The following SDAD1 variants were observed in gnomAD, a reference collection of about 807,000 sequenced individuals.
SDAD1 encodes protein SDA1 homolog.
Under a neutral mutation model 100.3 loss-of-function variants are expected in SDAD1, and 79 were observed. The observed-to-expected ratio is 0.79, with a 90% CI of 0.66 to 0.95. The LOEUF (loss-of-function observed/expected upper bound fraction) is 0.95. Ranked by LOEUF, SDAD1 falls within the 40% of genes least tolerant of loss-of-function variation. The pLI, the probability that SDAD1 is intolerant of heterozygous loss-of-function variation, is 0.00. For missense variants in SDAD1, 790 were observed against 810.9 expected (o/e 0.97, Z 0.31); for synonymous variants, 267 against 271.4 (o/e 0.98, Z 0.16).
At chr4:75,981,288 C>T in intron 3 of SDAD1, 84 bp downstream of exon 3, 1 of 1,254,620 alleles carries the variant, frequency 8.0e-7, no homozygotes, top group Non-Finnish European at 1.1e-6. Flanking sequence ...AGATAATTAG[C>T]TTAGAGGCTG....
At chr4:75,960,984 G>T in intron 16 of SDAD1, 44 bp downstream of exon 16, 3 of 1,521,516 alleles carry the variant, frequency 2.0e-6, no homozygotes, top group Non-Finnish European at 2.7e-6. Flanking sequence ...CTCTCAGTTT[G>T]TGAGACCATA....
chr4:75,963,937 A>C (rs7349626), intron 14 of SDAD1, among the ~76,000 whole-genome samples, 198 bp downstream of exon 14: 121,739 of 152,154 alleles, frequency 0.8, 51,297 homozygotes, highest in East Asian at 0.94. Context: ...ATTAGAAGGA[A>C]AAGTATCTTT....
At chr4:75,969,996 T>C (rs1729774540) in intron 10 of SDAD1, among the ~76,000 whole-genome samples, 1 of 152,030 alleles carries the variant, frequency 6.6e-6, no homozygotes, top group African/African-American at 2.4e-5. Context: ...AGGTTTTTTT[T>C]TTTTTTTTAA....
chr4:75,977,902 G>A (rs770330711), intron 3 of SDAD1, 146 bp from the exon 4 acceptor site: 1 of 594,412 alleles, frequency 1.7e-6, no homozygotes, highest in Non-Finnish European at 3.0e-6. Flanking sequence ...CCTTCATGGA[G>A]CTTACACTGG....
At chr4:75,973,997 G>A in intron 7 of SDAD1, 79 bp downstream of exon 7, 3 of 1,229,926 alleles carry the variant, frequency 2.4e-6, no homozygotes, top group Non-Finnish European at 3.6e-6. Context: ...AGTTTATGCT[G>A]AGTGATGCTT....
intron 3 of SDAD1, among the ~76,000 whole-genome samples, chr4:75,978,507 T>C (rs1158417329): frequency 6.6e-6 from 1 of 152,068 alleles, no homozygotes; most frequent in East Asian, 1.9e-4. Context: ...CTAGCAGCTG[T>C]GGCACTCTTG....
chr4:75,968,944 T>C lies in SDAD1; in HGVS notation c.987+352A>G, dbSNP rs538082651. ...TACTTGGGAGGCTGAGGCAGGAGAC[T>C]CACTTGAACCCAGGAGGTGGAGGTT... On this transcript the variant is annotated intron_variant, in intron 11 of 21. Coordinates refer to ENST00000356260, the MANE Select transcript of SDAD1 (RefSeq NM_018115.4). Among the ~76,000 whole-genome samples the C allele has an allele frequency of 2.1e-5, 3 of 143,074 alleles. No homozygotes were observed. In the East Asian group the frequency reaches 6.3e-4, roughly 30 times the overall value. 93.9% of individuals were successfully genotyped at this position (143,074 alleles called of 152,430 possible). A position where few individuals can be genotyped will look rare whatever the true frequency, so the allele number is the denominator to read the frequency against.
chr4:75,958,010 C>G, intron 17 of SDAD1, 69 bp from the exon 18 acceptor site: 3 of 1,254,604 alleles, frequency 2.4e-6, no homozygotes, highest in Non-Finnish European at 2.3e-6. Context: ...TGAGATGAAG[C>G]AAGCAACAGA....
intron 8 of SDAD1, 119 bp downstream of exon 8, chr4:75,973,195 TCAA>T (rs1729962923): frequency 1.4e-6 from 1 of 715,470 alleles, no homozygotes; most frequent in Non-Finnish European, 2.4e-6. Flanking sequence ...ATGGCAGAAT[TCAA>T]TAACAGGGCA....
In SDAD1 at chr4:75,950,681, G is replaced by A; in HGVS notation, c.*69C>T. 8.7e-7 allele frequency: 1 copy of A among 1,147,060 alleles called. No individual in the cohort carries two copies. The highest frequency in any genetic ancestry group is 1.3e-6 in the Non-Finnish European group (1 of 779,842). 71.1% of individuals were successfully genotyped at this position (1,147,060 alleles called of 1,614,324 possible). On this transcript the variant is annotated 3_prime_UTR_variant, in exon 22 of 22. Coordinates refer to ENST00000356260, the MANE Select transcript of SDAD1 (RefSeq NM_018115.4). Reference sequence around the variant, plus strand: ...CTTTTTAATGTAAACAAACATGCTTGATTTACCAATTTTCAGAGCAAGGAC... The same window carrying A: ...CTTTTTAATGTAAACAAACATGCTTAATTTACCAATTTTCAGAGCAAGGAC...
intron 21 of SDAD1, among the ~76,000 whole-genome samples, chr4:75,954,120 G>A (rs898765588): frequency 9.2e-5 from 14 of 152,034 alleles, no homozygotes; most frequent in African/African-American, 2.9e-4. Context: ...AGTAGCTCAC[G>A]CCTGTAATCC....
intron 11 of SDAD1, among the ~76,000 whole-genome samples, chr4:75,968,458 C>A (rs755900042): frequency 6.6e-6 from 1 of 151,840 alleles, no homozygotes; most frequent in Non-Finnish European, 1.5e-5. Flanking sequence ...AAGGAAAAAC[C>A]TTAATGGTCA....
At chr4:75,956,212 C>A in intron 20 of SDAD1, 76 bp from the exon 21 acceptor site, 1 of 1,475,134 alleles carries the variant, frequency 6.8e-7, no homozygotes, top group Non-Finnish European at 9.1e-7. Flanking sequence ...TTAATGTCTC[C>A]TCTGTGTCAG....
intron 21 of SDAD1, among the ~76,000 whole-genome samples, chr4:75,953,695 CGTT>C (rs1489967948): frequency 7.9e-5 from 12 of 152,162 alleles, no homozygotes; most frequent in African/African-American, 2.9e-4. Context: ...GAGGGCTGGC[CGTT>C]ACATTCAGTG....
At chr4:75,972,415 A>AC (rs1729919803) in intron 8 of SDAD1, among the ~76,000 whole-genome samples, 1 of 151,466 alleles carries the variant, frequency 6.6e-6, no homozygotes, top group Admixed American at 6.6e-5. Flanking sequence ...AAAAAAAAAA[A>AC]ACACACAAAC....
intron 9 of SDAD1, among the ~76,000 whole-genome samples, chr4:75,970,689 G>A (rs916024795): frequency 4.6e-5 from 7 of 152,202 alleles, no homozygotes; most frequent in Non-Finnish European, 8.8e-5. Context: ...CATGTCGAGG[G>A]AAGGACCTGG....
chr4:75,978,218 T>C (rs1730266346), intron 3 of SDAD1, among the ~76,000 whole-genome samples: 1 of 148,294 alleles, frequency 6.7e-6, no homozygotes, highest in African/African-American at 2.5e-5. Context: ...CAGCAGTTGT[T>C]GCATGCCTGC....
chr4:75,956,191 T>C, intron 20 of SDAD1, 55 bp from the exon 21 acceptor site: 5 of 1,538,754 alleles, frequency 3.2e-6, no homozygotes, highest in African/African-American at 1.4e-5. Context: ...TTAGGAGTCA[T>C]CTAATCAACA....
At position 75,967,349 on chromosome 4, in the gene SDAD1, C is replaced by T. The variant is rs764897495; in HGVS notation, c.988-15G>A. ...AAGAGGAAAAGCTGTGGAGAGAAAA[C>T]CGACTTTAATACTGATGCAGCTGAC... On this transcript the variant is annotated splice_polypyrimidine_tract_variant and intron_variant, in intron 11 of 21. Transcript: ENST00000356260. 5 of 1,612,534 alleles carry T rather than the reference C, an allele frequency of 3.1e-6. No homozygotes were observed. The highest frequency in any genetic ancestry group is 2.5e-6 in the Non-Finnish European group (3 of 1,178,912).
Sources: gnomAD v4.1 joint callset for allele counts (sites outside exome capture counted in the v4.1 genomes callset) on GRCh38, gnomAD v4.1.1 for gene constraint, MANE v1.5 for transcripts, NCBI Gene and HGNC (gene_info 2026-07-23, HGNC 2026-07-21) for gene names.